TCF4: variants seen among roughly 807,000 people sequenced by gnomAD.
TCF4 encodes the protein SL3-3 enhancer factor 2.
TCF4 carries 3 observed loss-of-function variants against 82.1 expected under a neutral mutation model. The ratio of observed to expected loss-of-function variants is 0.04; its 90% CI spans 0.02 to 0.09. The LOEUF (loss-of-function observed/expected upper bound fraction) is 0.09. TCF4 is among the 10% of genes least tolerant of loss of function. The probability of loss-of-function intolerance (pLI) is 1.00; values close to 1 mark genes in which losing one functional copy is unlikely to be tolerated. For missense variants in TCF4, 518 were observed against 852.7 expected, an observed-to-expected ratio of 0.61 and a Z score of 4.89; for synonymous variants, 276 against 309.6, an observed-to-expected ratio of 0.89 and a Z score of 1.14.
In TCF4 at chr18:55,549,443, T is replaced by C. The variant is rs190879424; in HGVS notation, c.145+35837A>G. Among the ~76,000 whole-genome samples the C allele has an allele frequency of 7.1e-4, 108 of 152,306 alleles. No individual in the cohort carries two copies. In the Middle Eastern group the frequency reaches 0.017, roughly 24 times the overall value. ...ATAACACTTAGCTGAAAACAAAACA[T>C]ACTATATAGCTGCACAAAACATTTT... is the stretch of plus-strand genomic sequence containing the variant. On this transcript the variant is annotated intron_variant, in intron 3 of 19. Transcript: ENST00000354452.
intron 3 of TCF4, among the ~76,000 whole-genome samples, chr18:55,558,593 T>A (rs1230845473): frequency 6.6e-6 from 1 of 152,174 alleles, no homozygotes; most frequent in Admixed American, 6.6e-5. Context: ...GAGTCACACA[T>A]CCTGATTATA....
chr18:55,621,404 TG>T (rs2097717939), intron 2 of TCF4, among the ~76,000 whole-genome samples: 1 of 40,704 alleles, frequency 2.5e-5, no homozygotes, highest in South Asian at 9.4e-4. Flanking sequence ...TATGGGGTAC[TG>T]CCTGATATAT....
At chr18:55,259,772 G>A (rs1600495193) in intron 13 of TCF4, 177 bp downstream of exon 13, 4 of 617,606 alleles carry the variant, frequency 6.5e-6, no homozygotes, top group Middle Eastern at 2.7e-4. Context: ...GGATGTAAAC[G>A]ACTATACTGT....
chr18:55,442,064 C>A (rs2095446858), intron 5 of TCF4, among the ~76,000 whole-genome samples: 1 of 152,140 alleles, frequency 6.6e-6, no homozygotes, highest in Non-Finnish European at 1.5e-5. Flanking sequence ...AATGTATTTA[C>A]AGAACTATAA....
intron 8 of TCF4, among the ~76,000 whole-genome samples, chr18:55,349,431 T>C (rs1394360545): frequency 6.6e-6 from 1 of 152,120 alleles, no homozygotes; most frequent in Non-Finnish European, 1.5e-5. Flanking sequence ...TAATATACTT[T>C]AAGAAATCTA....
intron 11 of TCF4, among the ~76,000 whole-genome samples, chr18:55,262,723 T>C (rs1286063707): frequency 6.6e-6 from 1 of 152,226 alleles, no homozygotes; most frequent in African/African-American, 2.4e-5. Flanking sequence ...TTCCAGGTCA[T>C]AATTTAATTC....
chr18:55,406,331 G>A (rs1339246038), intron 5 of TCF4, among the ~76,000 whole-genome samples: 2 of 151,876 alleles, frequency 1.3e-5, no homozygotes, highest in Admixed American at 6.6e-5. Flanking sequence ...CCCTGTTTGG[G>A]AGCAAAATAA....
At chr18:55,298,467 T>G (rs1008748274) in intron 8 of TCF4, among the ~76,000 whole-genome samples, 1 of 152,214 alleles carries the variant, frequency 6.6e-6, no homozygotes, top group East Asian at 1.9e-4. Flanking sequence ...ACGGTTTTTT[T>G]GCTATGAGCC....
chr18:55,463,667 A>G (rs999481347), intron 4 of TCF4, among the ~76,000 whole-genome samples: 24 of 152,196 alleles, frequency 1.6e-4, no homozygotes, highest in Non-Finnish European at 5.9e-5. Flanking sequence ...TCAGTAGTCT[A>G]TTCACACCAA....
chr18:55,504,180 T>C (rs1438640828), intron 3 of TCF4, among the ~76,000 whole-genome samples: 2 of 152,230 alleles, frequency 1.3e-5, no homozygotes, highest in Admixed American at 6.5e-5. Flanking sequence ...AGCAAGGACA[T>C]TGTCAACAAT....
At position 55,344,921 on chromosome 18, in the gene TCF4, C is replaced by T. The variant is rs1255203231; in HGVS notation, c.549+5438G>A. Among the ~76,000 whole-genome samples the T allele has an allele frequency of 3.3e-5, 5 of 152,230 alleles. No homozygotes were observed. The East Asian group carries it at 9.7e-4, about 29-fold the overall frequency. ...ATCCACAGTTAACCTTCATGCTTGTCTTTTCCTTTATATTTCTTCTCTCTT... is the reference window on the plus strand; with the variant it reads ...ATCCACAGTTAACCTTCATGCTTGTTTTTTCCTTTATATTTCTTCTCTCTT... On this transcript the variant is annotated intron_variant, in intron 8 of 19. Transcript: ENST00000354452.
intron 8 of TCF4, among the ~76,000 whole-genome samples, chr18:55,320,190 TA>T (rs571799875): frequency 0.022 from 3,104 of 143,074 alleles, 38 homozygotes; most frequent in African/African-American, 0.045. Flanking sequence ...ATGTACTTGT[TA>T]AAAAAAAAAA....
At chr18:55,590,362 TTA>T (rs2097682897), upstream of TCF4, among the ~76,000 whole-genome samples, 1 of 152,196 alleles carries the variant, frequency 6.6e-6, no homozygotes, top group Non-Finnish European at 1.5e-5. Flanking sequence ...CCCTATCTTC[TTA>T]TAGAGCGCTG....
At chr18:55,475,392 C>T (rs894479421) in intron 3 of TCF4, among the ~76,000 whole-genome samples, 1 of 152,098 alleles carries the variant, frequency 6.6e-6, no homozygotes, top group Non-Finnish European at 1.5e-5. Context: ...ACTTCCAGAG[C>T]CCCTTGATGG....
At chr18:55,438,419 G>T (rs1303226387) in intron 5 of TCF4, among the ~76,000 whole-genome samples, 3 of 152,006 alleles carry the variant, frequency 2.0e-5, no homozygotes, top group East Asian at 3.9e-4. Context: ...GTCCCCAGAA[G>T]AGTGATCTAT....
At chr18:55,480,956 T>C (rs2096414207) in intron 3 of TCF4, among the ~76,000 whole-genome samples, 1 of 151,858 alleles carries the variant, frequency 6.6e-6, no homozygotes, top group South Asian at 2.1e-4. Flanking sequence ...ATACAAAAAA[T>C]TGCTGGGCGT....
chr18:55,276,534 A>T lies in TCF4; in HGVS notation c.656-782T>A, dbSNP rs561114112. The stretch of plus-strand genomic sequence containing the variant: ...TTTTGTTAACATTCTTATTAAAAAC[A>T]TCCCTACGGATTTTTTCATTCTCTG... On this transcript the variant is annotated intron_variant, in intron 9 of 19. Transcript: ENST00000354452. Among the ~76,000 whole-genome samples the T allele has an allele frequency of 2.2e-4, 33 of 152,212 alleles. 1 individual carries two copies. The highest frequency in any genetic ancestry group is 4.0e-4 in the Non-Finnish European group (27 of 68,034).
At chr18:55,374,302 G>A in intron 6 of TCF4, among the ~76,000 whole-genome samples, 1 of 149,512 alleles carries the variant, frequency 6.7e-6, no homozygotes, top group Non-Finnish European at 1.5e-5. Context: ...ACTAAATTTA[G>A]ATAAAACAAA....
rs2046510360 is a variant in TCF4, at chr18:55,225,760, G to T, written c.*2275C>A. On this transcript the variant is annotated 3_prime_UTR_variant, in exon 20 of 20. Coordinates refer to ENST00000354452, the MANE Select transcript of TCF4 (RefSeq NM_001083962.2). The stretch of plus-strand genomic sequence containing the variant: ...CCCAAAATAACTTTTCATGAAGTTT[G>T]ATTTCTGCTATTCTCCTAAGGTTTT... 1 of 152,618 alleles carries T rather than the reference G, an allele frequency of 6.6e-6. No individual in the cohort carries two copies. Among genetic ancestry groups the T allele is most frequent in the East Asian group, 1.9e-4 (1 of 5,184 alleles). 9.5% of individuals were successfully genotyped at this position (152,618 alleles called of 1,614,324 possible). A position where few individuals can be genotyped will look rare whatever the true frequency, so the allele number is the denominator to read the frequency against.
Sources: gnomAD v4.1 joint callset for allele counts (sites outside exome capture counted in the v4.1 genomes callset) on GRCh38, gnomAD v4.1.1 for gene constraint, MANE v1.5 for transcripts, NCBI Gene and HGNC (gene_info 2026-07-23, HGNC 2026-07-21) for gene names.